DCLK2: variants seen among roughly 807,000 people sequenced by gnomAD.
DCLK2 encodes the protein doublecortin like kinase 2, also known as serine/threonine-protein kinase DCLK2.
In DCLK2, 31 loss-of-function variants were observed where a neutral mutation model predicts 78.4. The observed-to-expected ratio is 0.40, with a 90% CI of 0.30 to 0.53. DCLK2 has a LOEUF of 0.53. Among genes scored for constraint, DCLK2 ranks in the 20% least tolerant of loss-of-function variants. DCLK2 has a pLI of 0.61. For synonymous variants in DCLK2, 407 were observed against 374.9 expected (o/e 1.09, Z -0.99); for missense variants, 872 against 973.7 (o/e 0.90, Z 1.39).
chr4:150,241,020 C>G (rs574592789), intron 12 of DCLK2, among the ~76,000 whole-genome samples: 1 of 152,208 alleles, frequency 6.6e-6, no homozygotes, highest in Admixed American at 6.5e-5. Context: ...TGAAGCAGTC[C>G]GAATCCTTCC....
intron 8 of DCLK2, among the ~76,000 whole-genome samples, chr4:150,225,582 T>C (rs1436521063): frequency 6.6e-6 from 1 of 152,214 alleles, no homozygotes; most frequent in African/African-American, 2.4e-5. Flanking sequence ...CGAGTCTGGA[T>C]TGAAATAGGC....
rs947244846 is a variant in DCLK2 at position 150,198,453 on chromosome 4, CT to C, written c.961+358del. 2.1e-5 allele frequency among the ~76,000 whole-genome samples: 3 copies of C among 145,938 alleles called. No individual in the cohort carries two copies. The East Asian group carries it at 5.9e-4, about 29-fold the overall frequency. On this transcript the variant is annotated intron_variant, in intron 4 of 15. Coordinates refer to ENST00000296550, the MANE Select transcript of DCLK2 (RefSeq NM_001040260.4). ...GATAATTATTTTCTTAACATTATCT[CT>C]TTTTTTTAAAACACATGCACATGCA... is the stretch of plus-strand genomic sequence containing the variant.
At chr4:150,108,501 G>A (rs1042928234) in intron 2 of DCLK2, among the ~76,000 whole-genome samples, 34 of 151,620 alleles carry the variant, frequency 2.2e-4, no homozygotes, top group African/African-American at 7.3e-4. Context: ...CCGAGATCTC[G>A]CCACTGCACT....
chr4:150,187,201 G>T (rs1230309290), intron 2 of DCLK2, among the ~76,000 whole-genome samples: 1 of 151,956 alleles, frequency 6.6e-6, no homozygotes, highest in Non-Finnish European at 1.5e-5. Flanking sequence ...GAGTCTTGCT[G>T]TGTCACCCAG....
intron 2 of DCLK2, among the ~76,000 whole-genome samples, chr4:150,185,405 A>T (rs1737848513): frequency 6.6e-6 from 1 of 151,412 alleles, no homozygotes. Context: ...GAGCCAGATC[A>T]TATCATGCAT....
At chr4:150,155,124 C>G (rs1735176321) in intron 2 of DCLK2, among the ~76,000 whole-genome samples, 1 of 152,160 alleles carries the variant, frequency 6.6e-6, no homozygotes, top group South Asian at 2.1e-4. Flanking sequence ...CCCAGCTACT[C>G]AGGAGGCTGA....
intron 15 of DCLK2, chr4:150,254,481 G>A (rs1215473346): frequency 1.5e-5 from 6 of 398,630 alleles, no homozygotes; most frequent in Admixed American, 8.8e-5. Context: ...TGCCACACAC[G>A]CCCCTGTGCT....
chr4:150,235,071 G>C (rs1450705087), intron 10 of DCLK2, among the ~76,000 whole-genome samples: 1 of 152,144 alleles, frequency 6.6e-6, no homozygotes, highest in African/African-American at 2.4e-5. Context: ...TCTAGTTACT[G>C]CATTCTCTGA....
chr4:150,088,481 T>A (rs1459229267), intron 1 of DCLK2, among the ~76,000 whole-genome samples: 1 of 152,084 alleles, frequency 6.6e-6, no homozygotes, highest in Non-Finnish European at 1.5e-5. Context: ...TTAAATTCTT[T>A]TTACATTTTA....
chr4:150,138,910 C>T (rs979225380), intron 2 of DCLK2, among the ~76,000 whole-genome samples: 12 of 151,952 alleles, frequency 7.9e-5, no homozygotes, highest in African/African-American at 1.2e-4. Context: ...GTGATCTGCC[C>T]GCCTTGGCCT....
Position 150,134,106 on chromosome 4 carries a change from A to T in DCLK2, c.756+31294A>T, listed in dbSNP as rs1391151919. Reference sequence around the variant, plus strand: ...TTTTTTTTTTTTTTTTTTGAGACGGAGTCTTGCTCTGTTGCCCAGGCTGGA... The same window carrying T: ...TTTTTTTTTTTTTTTTTTGAGACGGTGTCTTGCTCTGTTGCCCAGGCTGGA... On this transcript the variant is annotated intron_variant, in intron 2 of 15. Transcript: ENST00000296550. 3.1e-5 allele frequency among the ~76,000 whole-genome samples: 3 copies of T among 95,730 alleles called. No individual in the cohort carries two copies. The East Asian group carries it at 9.2e-4, about 29-fold the overall frequency. The allele number at this position is 95,730 out of a possible 152,430, so 62.8% of individuals were successfully genotyped here. A position where few individuals can be genotyped will look rare whatever the true frequency, so the allele number is the denominator to read the frequency against.
At chr4:150,185,181 T>C (rs1737832567) in intron 2 of DCLK2, among the ~76,000 whole-genome samples, 1 of 152,086 alleles carries the variant, frequency 6.6e-6, no homozygotes, top group South Asian at 2.1e-4. Flanking sequence ...GAAGAAAACA[T>C]GTCCTTCATA....
At chr4:150,179,966 A>G (rs1458350297) in intron 2 of DCLK2, among the ~76,000 whole-genome samples, 1 of 152,084 alleles carries the variant, frequency 6.6e-6, no homozygotes, top group Non-Finnish European at 1.5e-5. Flanking sequence ...AAAAAATCCT[A>G]GATATAAGCT....
chr4:150,212,288 G>A (rs2126492525), intron 5 of DCLK2, among the ~76,000 whole-genome samples: 1 of 152,330 alleles, frequency 6.6e-6, no homozygotes, highest in Non-Finnish European at 1.5e-5. Context: ...CCAGATTTGT[G>A]AAGTGTGATG....
rs530552351 is a variant in DCLK2 at position 150,157,178 on chromosome 4, T to G, written c.757-35960T>G. Among the ~76,000 whole-genome samples the G allele has an allele frequency of 8.4e-3, 1,278 of 151,648 alleles. 14 individuals carry two copies. The highest frequency in any genetic ancestry group is 0.017 in the Middle Eastern group (5 of 294). ...AGTGTTTCTCACCTGTTTTTTTTTT[T>G]TTTTGTTACTGTCCTTTAAGGAGGA... is the stretch of plus-strand genomic sequence containing the variant. On this transcript the variant is annotated intron_variant, in intron 2 of 15. Transcript: ENST00000296550.
chr4:150,170,202 T>G (rs1296035289), intron 2 of DCLK2, among the ~76,000 whole-genome samples: 2 of 152,026 alleles, frequency 1.3e-5, no homozygotes, highest in African/African-American at 4.8e-5. Context: ...TACCACCATG[T>G]CTGGCTGATG....
chr4:150,230,639 A>G (rs1741972026), intron 8 of DCLK2, among the ~76,000 whole-genome samples: 1 of 152,220 alleles, frequency 6.6e-6, no homozygotes, highest in Non-Finnish European at 1.5e-5. Flanking sequence ...GATTGAGGAT[A>G]TGCTTGGTGC....
intron 3 of DCLK2, among the ~76,000 whole-genome samples, chr4:150,197,241 G>A (rs542714023): frequency 2.7e-4 from 41 of 152,256 alleles, no homozygotes; most frequent in African/African-American, 9.4e-4. Context: ...TAATTCAGGA[G>A]GGGGTTCATA....
chr4:150,219,611 A>C (rs899621855), intron 5 of DCLK2, among the ~76,000 whole-genome samples: 2 of 152,212 alleles, frequency 1.3e-5, no homozygotes, highest in Non-Finnish European at 2.9e-5. Context: ...ATTTAAGAAA[A>C]GGCACTGATA....
Sources: gnomAD v4.1 joint callset for allele counts (sites outside exome capture counted in the v4.1 genomes callset) on GRCh38, gnomAD v4.1.1 for gene constraint, MANE v1.5 for transcripts, NCBI Gene and HGNC (gene_info 2026-07-23, HGNC 2026-07-21) for gene names.